Variants in EPB41L3 observed in about 807,000 individuals in gnomAD.
EPB41L3 encodes the protein band 4.1-like protein 3.
Under a neutral mutation model 127.1 loss-of-function variants are expected in EPB41L3, and 57 were observed. The observed-to-expected ratio is 0.45, with a 90% CI of 0.36 to 0.56. EPB41L3 has a LOEUF of 0.56. EPB41L3 is among the 20% of genes least tolerant of loss of function. The pLI is 0.00. For missense variants in EPB41L3, 1,273 were observed against 1,372.2 expected (o/e 0.93, Z 1.14); for synonymous variants, 572 against 549.5 (o/e 1.04, Z -0.57).
chr18:5,488,465 A>ATGATGGAT, intron 2 of EPB41L3, among the ~76,000 whole-genome samples: 1 of 152,158 alleles, frequency 6.6e-6, no homozygotes, highest in Middle Eastern at 3.4e-3. Context: ...CCTAATGTAG[A>ATGATGGAT]TGATGGATTG....
chr18:5,423,248 G>T, intron 11 of EPB41L3, 130 bp downstream of exon 11: 1 of 949,424 alleles, frequency 1.1e-6, no homozygotes, highest in African/African-American at 1.7e-5. Context: ...GTGCCATTCA[G>T]TCAATAAGCA....
upstream of EPB41L3, chr18:5,630,506 AG>A (rs749935744): frequency 1.9e-6 from 1 of 518,446 alleles, no homozygotes; most frequent in Non-Finnish European, 3.9e-6. Flanking sequence ...GTCCCTCCGC[AG>A]GGGCTCTTTC....
At chr18:5,570,366 T>C (rs759206850) in intron 3 of EPB41L3, 2 of 152,194 alleles carry the variant, frequency 1.3e-5, no homozygotes, top group Admixed American at 6.5e-5. Context: ...TCCTGGAATA[T>C]GGCATTTTGC....
intron 3 of EPB41L3, among the ~76,000 whole-genome samples, chr18:5,460,955 T>C (rs1250683991): frequency 2.0e-5 from 3 of 152,238 alleles, no homozygotes; most frequent in Non-Finnish European, 4.4e-5. Context: ...GGGGTTTAAA[T>C]AATAGAAACC....
intron 12 of EPB41L3, 133 bp downstream of exon 12, chr18:5,419,578 G>C (rs745912470): frequency 1.9e-5 from 24 of 1,241,078 alleles, no homozygotes; most frequent in Non-Finnish European, 2.7e-5. Context: ...TTTAAAAATT[G>C]ACATATGAAT....
At chr18:5,408,192 T>C (rs1039657502) in intron 14 of EPB41L3, among the ~76,000 whole-genome samples, 1 of 152,234 alleles carries the variant, frequency 6.6e-6, no homozygotes, top group South Asian at 2.1e-4. Context: ...AGAGAACCCA[T>C]GCTCAAAGAA....
chr18:5,528,009 AC>A (rs11351075), intron 1 of EPB41L3, among the ~76,000 whole-genome samples: 31,425 of 152,132 alleles, frequency 0.21, 3,441 homozygotes, highest in African/African-American at 0.27. Flanking sequence ...AACATTAAAA[AC>A]AATACCACAA....
Position 5,397,136 on chromosome 18 carries a change from A to G in EPB41L3, c.2763T>C (p.Ala921=). 6.2e-7 allele frequency: 1 copy of G among 1,614,210 alleles called. No individual in the cohort carries two copies. The highest frequency in any genetic ancestry group is 8.5e-7 in the Non-Finnish European group (1 of 1,180,022). ...GCTCCTCTTGTCGCTCACGGGAAGCAGCGGCTGTCTCTTCCTGTTCCAGGA... is the reference window on the plus strand; with the variant it reads ...GCTCCTCTTGTCGCTCACGGGAAGCGGCGGCTGTCTCTTCCTGTTCCAGGA... ...KAVLEQEETA[A]ASRERQEEQS... is the part of the protein sequence containing the mutation. The change falls in exon 18 of 23, where the codon GCT becomes GCC. Residue 921 remains alanine (A), a synonymous_variant. Coordinates refer to ENST00000341928, the MANE Select transcript of EPB41L3 (RefSeq NM_012307.5). This position sits in a 1 kb window ranked among gnomAD's most constrained non-coding sequence, Gnocchi z 4.1.
chr18:5,442,686 A>G (rs1196009952), intron 5 of EPB41L3, among the ~76,000 whole-genome samples: 1 of 152,222 alleles, frequency 6.6e-6, no homozygotes, highest in African/African-American at 2.4e-5. Flanking sequence ...GGAAGAATTT[A>G]GACTTTACTG....
At chr18:5,532,357 AT>A (rs554344999) in intron 1 of EPB41L3, among the ~76,000 whole-genome samples, 2 of 152,230 alleles carry the variant, frequency 1.3e-5, no homozygotes, top group Non-Finnish European at 2.9e-5. Context: ...CATAACAAGC[AT>A]TCCGTAAGTA....
At position 5,419,862 on chromosome 18, in the gene EPB41L3, T is replaced by G; in HGVS notation, c.1355A>C (p.Gln452Pro). ...AGAGATGCCTTTTGTTGTGGCGTAC[T>G]GGCCAGTACCAACCTCTGCAGCAGA... ...RSLDGEVGTG[Q>P]YATTKGISQT... The change falls in exon 12 of 23, where the codon CAG becomes CCG. Residue 452 changes from glutamine (Q) to proline (P), a missense_variant. This residue lies in a region of EPB41L3 where 326 missense variants were observed against 440.2 expected (regional missense o/e 0.74). Coordinates refer to ENST00000341928, the MANE Select transcript of EPB41L3 (RefSeq NM_012307.5). 3 of 1,614,262 alleles carry G rather than the reference T, an allele frequency of 1.9e-6. No homozygotes were observed. The South Asian group carries it at 3.3e-5, about 18-fold the overall frequency.
intron 3 of EPB41L3, among the ~76,000 whole-genome samples, chr18:5,471,880 G>T (rs545242124): frequency 6.6e-6 from 1 of 152,116 alleles, no homozygotes; most frequent in South Asian, 2.1e-4. Context: ...TGACAACTGG[G>T]AGTGACTGGG....
intron 3 of EPB41L3, among the ~76,000 whole-genome samples, chr18:5,591,632 A>G (rs756671862): frequency 1.3e-5 from 2 of 152,230 alleles, no homozygotes; most frequent in Non-Finnish European, 2.9e-5. Flanking sequence ...AGAAAAGTGG[A>G]AGAAATATTA....
intron 21 of EPB41L3, 130 bp downstream of exon 21, chr18:5,394,937 T>C: frequency 8.3e-7 from 1 of 1,207,580 alleles, no homozygotes; most frequent in East Asian, 2.3e-5. Context: ...TCATAAATCA[T>C]ATATTGGAAA....
rs755449948 is a variant in EPB41L3 at position 5,489,194 on chromosome 18, T to C, written c.-11A>G. On this transcript the variant is annotated splice_region_variant and 5_prime_UTR_variant, in exon 2 of 23. Transcript: ENST00000341928. ...AGATTCGGTCGTCATGGTTGATTGTTCTGCAAGCAGAAAAAAGGGAAGAGC... is the reference window on the plus strand; with the variant it reads ...AGATTCGGTCGTCATGGTTGATTGTCCTGCAAGCAGAAAAAAGGGAAGAGC... The C allele has an allele frequency of 1.6e-5, 25 of 1,589,068 alleles. No individual in the cohort carries two copies. Among genetic ancestry groups the C allele is most frequent in the Admixed American group, 1.9e-5 (1 of 53,670 alleles).
chr18:5,507,109 T>A (rs556634946), intron 1 of EPB41L3, among the ~76,000 whole-genome samples: 1 of 152,220 alleles, frequency 6.6e-6, no homozygotes, highest in African/African-American at 2.4e-5. Context: ...GAATGACCCA[T>A]CCATCCTAAA....
At chr18:5,511,116 C>T (rs1351899744) in intron 1 of EPB41L3, among the ~76,000 whole-genome samples, 1 of 151,964 alleles carries the variant, frequency 6.6e-6, no homozygotes, top group African/African-American at 2.4e-5. Flanking sequence ...TTTGTTTGAC[C>T]TAAGACCTTC....
chr18:5,512,927 T>TCCA (rs2092598067), intron 1 of EPB41L3, among the ~76,000 whole-genome samples: 1 of 152,170 alleles, frequency 6.6e-6, no homozygotes, highest in Non-Finnish European at 1.5e-5. Context: ...AAATGCTGGA[T>TCCA]CCACCACTAA....
At chr18:5,502,979 C>G (rs1010349455) in intron 1 of EPB41L3, among the ~76,000 whole-genome samples, 1 of 152,112 alleles carries the variant, frequency 6.6e-6, no homozygotes, top group Non-Finnish European at 1.5e-5. Flanking sequence ...CCAGACCCAC[C>G]ATGAAAAGAG....
Sources: allele counts gnomAD v4.1 joint callset (sites outside exome capture counted in the v4.1 genomes callset), GRCh38; gene constraint gnomAD v4.1.1; regional missense constraint gnomAD v4.1.1; non-coding constraint Gnocchi (gnomAD v3.1); transcripts MANE v1.5; gene names NCBI Gene and HGNC (gene_info 2026-07-23, HGNC 2026-07-21).